UCK2: variants seen among roughly 807,000 people sequenced by gnomAD.
UCK2 encodes cytidine monophosphokinase 2.
In UCK2, 6 loss-of-function variants were observed where a neutral mutation model predicts 30.8. That is an observed-to-expected ratio of 0.19 (90% CI 0.11 to 0.38). The LOEUF is 0.38. UCK2 is among the 10% of genes least tolerant of loss of function. The probability of loss-of-function intolerance (pLI) is 1.00; values close to 1 mark genes in which losing one functional copy is unlikely to be tolerated. For synonymous variants in UCK2, 125 were observed against 133.6 expected (o/e 0.94, Z 0.45); for missense variants, 210 against 339.8 (o/e 0.62, Z 3.00).
chr1:165,833,022 G>A (rs1314308542), intron 1 of UCK2, among the ~76,000 whole-genome samples: 1 of 152,148 alleles, frequency 6.6e-6, no homozygotes, highest in Non-Finnish European at 1.5e-5. Flanking sequence ...CCCCTCTGAG[G>A]TGTGGACTGC....
At chr1:165,844,765 AACC>A (rs1654407761) in intron 1 of UCK2, among the ~76,000 whole-genome samples, 1 of 151,998 alleles carries the variant, frequency 6.6e-6, no homozygotes, top group East Asian at 1.9e-4. Context: ...TTTTCATAAA[AACC>A]CAAAAGGACA....
chr1:165,875,419 G>A (rs1017225852), intron 1 of UCK2, among the ~76,000 whole-genome samples: 4 of 152,154 alleles, frequency 2.6e-5, no homozygotes, highest in East Asian at 1.9e-4. Flanking sequence ...TTCTGTGACC[G>A]ATTGTGGTGA....
In UCK2 at chr1:165,858,453, G is replaced by A. The variant is rs144629313; in HGVS notation, c.99+30521G>A. 2.5e-3 allele frequency among the ~76,000 whole-genome samples: 387 copies of A among 152,268 alleles called. 2 individuals are homozygous for A. Among genetic ancestry groups the A allele is most frequent in the African/African-American group, 8.7e-3 (361 of 41,538 alleles). On this transcript the variant is annotated intron_variant, in intron 1 of 6. Transcript: ENST00000367879. ...TTGGGAGCCTTGCCTACATTAGCTC[G>A]ATTTGCTGACAGGTGAACAAACAAG...
chr1:165,854,531 C>T (rs1654679392), intron 1 of UCK2, among the ~76,000 whole-genome samples: 1 of 152,070 alleles, frequency 6.6e-6, no homozygotes, highest in Non-Finnish European at 1.5e-5. Flanking sequence ...CTGGGTCCCA[C>T]TTCCGCAGCC....
intron 1 of UCK2, among the ~76,000 whole-genome samples, chr1:165,888,856 C>T (rs1250972627): frequency 6.6e-6 from 1 of 151,924 alleles, no homozygotes; most frequent in African/African-American, 2.4e-5. Context: ...TTTATTTTTA[C>T]ATTAGTCTTT....
At chr1:165,840,599 TTTATAGTTTAAGTCCC>T (rs1654304236) in intron 1 of UCK2, among the ~76,000 whole-genome samples, 1 of 152,202 alleles carries the variant, frequency 6.6e-6, no homozygotes, top group Admixed American at 6.5e-5. Context: ...ATAAGGAGCC[TTTATAGTTTAAGTCCC>T]ACTGACTAAT....
chr1:165,861,159 T>C (rs1191851537), intron 1 of UCK2, among the ~76,000 whole-genome samples: 10 of 152,026 alleles, frequency 6.6e-5, no homozygotes, highest in African/African-American at 9.7e-5. Context: ...CCAAGTCTCT[T>C]TTAAAAGGGC....
intron 4 of UCK2, among the ~76,000 whole-genome samples, chr1:165,900,944 T>C (rs1039823550): frequency 6.6e-6 from 1 of 152,226 alleles, no homozygotes; most frequent in African/African-American, 2.4e-5. Flanking sequence ...TTTCCTTTTT[T>C]CTTTGGGCTT....
chr1:165,856,401 A>AG (rs1246585752), intron 1 of UCK2, among the ~76,000 whole-genome samples: 6 of 142,900 alleles, frequency 4.2e-5, no homozygotes, highest in African/African-American at 1.6e-4. Context: ...TTTGGGTATT[A>AG]GGTGATTTTT....
chr1:165,827,976 C>CCTGGGCGGCGCAT (rs767227261), intron 1 of UCK2, 44 bp downstream of exon 1: 98 of 1,252,562 alleles, frequency 7.8e-5, no homozygotes, highest in Non-Finnish European at 9.4e-5. Context: ...GGCTTCTGTC[C>CCTGGGCGGCGCAT]CTGGGCGGCG....
chr1:165,861,455 C>T (rs952945488), intron 1 of UCK2, among the ~76,000 whole-genome samples: 3 of 151,168 alleles, frequency 2.0e-5, no homozygotes, highest in Admixed American at 6.6e-5. Flanking sequence ...GGTGAAACCC[C>T]GTCTCTACTA....
At chr1:165,889,117 C>T (rs10800164) in intron 1 of UCK2, among the ~76,000 whole-genome samples, 41,040 of 152,064 alleles carry the variant, frequency 0.27, 6,776 homozygotes, top group East Asian at 0.48. Flanking sequence ...GTTTGGGATA[C>T]TCCTAAGTTG....
At chr1:165,835,662 G>A (rs1311585770) in intron 1 of UCK2, among the ~76,000 whole-genome samples, 1 of 152,048 alleles carries the variant, frequency 6.6e-6, no homozygotes, top group Non-Finnish European at 1.5e-5. Flanking sequence ...TTGACCTATT[G>A]TCATACATTT....
intron 1 of UCK2, among the ~76,000 whole-genome samples, chr1:165,866,714 A>G (rs1332653254): frequency 3.9e-5 from 6 of 152,102 alleles, no homozygotes; most frequent in Admixed American, 6.5e-5. Flanking sequence ...CTACTTTCTG[A>G]CTCAGAATTG....
chr1:165,882,619 A>G (rs1217349814), intron 1 of UCK2, among the ~76,000 whole-genome samples: 2 of 152,164 alleles, frequency 1.3e-5, no homozygotes, highest in East Asian at 3.9e-4. Context: ...CAAGGATGCA[A>G]CTGGTTGCTG....
At chr1:165,900,456 T>C (rs1647418752) in intron 4 of UCK2, 1 of 152,236 alleles carries the variant, frequency 6.6e-6, no homozygotes, top group Admixed American at 6.5e-5. Context: ...GTAGGAGTTA[T>C]TGGGGTTAGG....
intron 1 of UCK2, among the ~76,000 whole-genome samples, chr1:165,851,933 A>G (rs568045662): frequency 1.3e-5 from 2 of 152,252 alleles, no homozygotes; most frequent in South Asian, 2.1e-4. Flanking sequence ...TTATGGCTGC[A>G]TAGTGTTGCA....
intron 4 of UCK2, 33 bp from the exon 5 acceptor site, chr1:165,903,149 G>A (rs371822569): frequency 5.0e-5 from 79 of 1,592,448 alleles, no homozygotes; most frequent in African/African-American, 4.8e-4. Context: ...CTCCTACACC[G>A]TTTTTTGATT....
At chr1:165,890,056 A>G in intron 1 of UCK2, 148 bp from the exon 2 acceptor site, 2 of 788,878 alleles carry the variant, frequency 2.5e-6, no homozygotes, top group Non-Finnish European at 4.1e-6. Flanking sequence ...TTAGCCCTTT[A>G]ACTCATCATG....
Sources: gnomAD v4.1 joint callset for allele counts (sites outside exome capture counted in the v4.1 genomes callset) on GRCh38, gnomAD v4.1.1 for gene constraint, MANE v1.5 for transcripts, NCBI Gene and HGNC (gene_info 2026-07-23, HGNC 2026-07-21) for gene names.